IGF2BP2: variants seen among roughly 807,000 people sequenced by gnomAD.
IGF2BP2 encodes the protein insulin-like growth factor 2 mRNA-binding protein 2.
Under a neutral mutation model 75.8 loss-of-function variants are expected in IGF2BP2, and 17 were observed. That is an observed-to-expected ratio of 0.22 (90% CI 0.15 to 0.34). The LOEUF is 0.34. Among genes scored for constraint, IGF2BP2 ranks in the 10% least tolerant of loss-of-function variants. The probability of loss-of-function intolerance (pLI) is 1.00; values close to 1 mark genes in which losing one functional copy is unlikely to be tolerated. For missense variants in IGF2BP2, 516 were observed against 772.4 expected (o/e 0.67, Z 3.93); for synonymous variants, 288 against 295.6 (o/e 0.97, Z 0.26).
At chr3:185,657,473 C>T (rs1715637673) in intron 11 of IGF2BP2, 71 bp from the exon 12 acceptor site, 2 of 1,174,514 alleles carry the variant, frequency 1.7e-6, no homozygotes, top group South Asian at 2.7e-5. Flanking sequence ...CAACAGGTAC[C>T]AAGCACCTTA....
In IGF2BP2 at chr3:185,664,842, A is replaced by C. The variant is rs536183898; in HGVS notation, c.1201-6433T>G. 5.3e-5 allele frequency among the ~76,000 whole-genome samples: 8 copies of C among 152,338 alleles called. No individual in the cohort carries two copies. In the South Asian group the frequency reaches 1.2e-3, roughly 24 times the overall value. The stretch of plus-strand genomic sequence containing the variant: ...TGGGAACTCCAGAAGGAGAAAATAA[A>C]GTGGATGGGAGAGAAGCAACGCTAA... On this transcript the variant is annotated intron_variant, in intron 10 of 15. Transcript: ENST00000382199.
chr3:185,715,938 G>A (rs1041496033), intron 2 of IGF2BP2, among the ~76,000 whole-genome samples: 3 of 152,008 alleles, frequency 2.0e-5, no homozygotes, highest in Non-Finnish European at 2.9e-5. Flanking sequence ...GAGCCACCAC[G>A]CCCAGCCTGA....
intron 2 of IGF2BP2, among the ~76,000 whole-genome samples, chr3:185,704,487 T>C (rs1723736506): frequency 6.6e-6 from 1 of 152,146 alleles, no homozygotes; most frequent in Non-Finnish European, 1.5e-5. Flanking sequence ...TCTTGCTCTG[T>C]CACCCATGCT....
intron 2 of IGF2BP2, 89 bp downstream of exon 2, chr3:185,823,064 C>G: frequency 1.3e-6 from 1 of 782,772 alleles, no homozygotes; most frequent in South Asian, 2.1e-5. Context: ...TTAAAAACTA[C>G]CAAGAGCACG....
In IGF2BP2 at chr3:185,721,058, C is replaced by T. The variant is rs115869567; in HGVS notation, c.240-22711G>A. Among the ~76,000 whole-genome samples, 1,214 of 152,258 alleles carry T rather than the reference C, an allele frequency of 8.0e-3. 25 individuals are homozygous for T. The highest frequency in any genetic ancestry group is 0.027 in the African/African-American group (1,133 of 41,540). ...GTCAGGAAGCACTCATAAATGCCACCTCCTGTGTACTGTCAATAGAGTAAG... is the reference window on the plus strand; with the variant it reads ...GTCAGGAAGCACTCATAAATGCCACTTCCTGTGTACTGTCAATAGAGTAAG... On this transcript the variant is annotated intron_variant, in intron 2 of 15. Coordinates refer to ENST00000382199, the MANE Select transcript of IGF2BP2 (RefSeq NM_006548.6).
chr3:185,722,611 A>G (rs1726738826), intron 2 of IGF2BP2: 1 of 189,194 alleles, frequency 5.3e-6, no homozygotes, highest in Non-Finnish European at 1.1e-5. Flanking sequence ...CAGACCTGGG[A>G]TAATCAAACT....
At chr3:185,764,956 T>C (rs1433275384) in intron 2 of IGF2BP2, among the ~76,000 whole-genome samples, 1 of 152,194 alleles carries the variant, frequency 6.6e-6, no homozygotes, top group Non-Finnish European at 1.5e-5. Context: ...GAGGTGTTTA[T>C]TATTTTGCTT....
intron 7 of IGF2BP2, among the ~76,000 whole-genome samples, chr3:185,686,401 GA>G (rs1271875543): frequency 1.5e-4 from 23 of 151,598 alleles, no homozygotes; most frequent in African/African-American, 4.8e-4. Flanking sequence ...AAAAAAAGGA[GA>G]GGGGGGTAGT....
chr3:185,759,883 T>C (rs1252723811), intron 2 of IGF2BP2, among the ~76,000 whole-genome samples: 1 of 152,220 alleles, frequency 6.6e-6, no homozygotes, highest in Non-Finnish European at 1.5e-5. Context: ...TACACAAAAG[T>C]AGACAGATGT....
chr3:185,778,812 T>G (rs994259658), intron 2 of IGF2BP2, among the ~76,000 whole-genome samples: 5 of 152,230 alleles, frequency 3.3e-5, no homozygotes, highest in Non-Finnish European at 5.9e-5. Flanking sequence ...TCCAGCACAC[T>G]CTGACCAACA....
intron 10 of IGF2BP2, among the ~76,000 whole-genome samples, chr3:185,670,258 C>G (rs529813620): frequency 3.2e-4 from 48 of 152,220 alleles, no homozygotes; most frequent in African/African-American, 1.2e-3. Context: ...CTAGCAAAAC[C>G]TATTTTCAAG....
At chr3:185,780,464 A>C (rs1735067805) in intron 2 of IGF2BP2, among the ~76,000 whole-genome samples, 1 of 152,214 alleles carries the variant, frequency 6.6e-6, no homozygotes, top group South Asian at 2.1e-4. Flanking sequence ...GAAAATTTAA[A>C]GATCTTCAGC....
intron 2 of IGF2BP2, among the ~76,000 whole-genome samples, chr3:185,734,901 C>A (rs778655375): frequency 6.6e-6 from 1 of 152,068 alleles, no homozygotes; most frequent in African/African-American, 2.4e-5. Flanking sequence ...TCAACTCCGA[C>A]GTGCCTCAAT....
chr3:185,689,967 C>T (rs1356435665), intron 5 of IGF2BP2, among the ~76,000 whole-genome samples: 8 of 118,218 alleles, frequency 6.8e-5, no homozygotes, highest in African/African-American at 2.6e-4. Flanking sequence ...GACTCCGTCT[C>T]AAAAAAAAAA....
At chr3:185,698,840 G>T (rs2149361217) in intron 2 of IGF2BP2, among the ~76,000 whole-genome samples, 1 of 147,140 alleles carries the variant, frequency 6.8e-6, no homozygotes, top group East Asian at 2.0e-4. Flanking sequence ...TTTAAGAAGG[G>T]GTCTCACTCT....
chr3:185,686,714 A>T (rs964601552), intron 7 of IGF2BP2, among the ~76,000 whole-genome samples: 2 of 152,186 alleles, frequency 1.3e-5, no homozygotes, highest in Non-Finnish European at 2.9e-5. Flanking sequence ...CAATAGCAAC[A>T]TGTGGCTATT....
At chr3:185,792,014 T>C (rs919514552) in intron 2 of IGF2BP2, among the ~76,000 whole-genome samples, 1 of 152,200 alleles carries the variant, frequency 6.6e-6, no homozygotes, top group African/African-American at 2.4e-5. Context: ...GCATGGATCA[T>C]GCAAGTATTT....
chr3:185,820,431 A>T (rs992830885), intron 2 of IGF2BP2, among the ~76,000 whole-genome samples: 1 of 152,152 alleles, frequency 6.6e-6, no homozygotes, highest in Admixed American at 6.5e-5. Context: ...AGAAAAAAAG[A>T]TTCAAACACT....
intron 2 of IGF2BP2, among the ~76,000 whole-genome samples, chr3:185,778,067 G>GT (rs1385555306): frequency 6.6e-6 from 1 of 151,438 alleles, no homozygotes; most frequent in Non-Finnish European, 1.5e-5. Context: ...TTGTTGTGCT[G>GT]TATCACTTAC....
Sources: gnomAD v4.1 joint callset for allele counts (sites outside exome capture counted in the v4.1 genomes callset) on GRCh38, gnomAD v4.1.1 for gene constraint, MANE v1.5 for transcripts, NCBI Gene and HGNC (gene_info 2026-07-23, HGNC 2026-07-21) for gene names.